CAAP1: variants seen among roughly 807,000 people sequenced by gnomAD.
CAAP1 encodes conserved anti-apoptotic protein.
In CAAP1, 20 loss-of-function variants were observed where a neutral mutation model predicts 34.0. The observed-to-expected ratio is 0.59, with a 90% CI of 0.41 to 0.86. CAAP1 has a LOEUF of 0.86. Ranked by LOEUF, CAAP1 falls within the 40% of genes least tolerant of loss-of-function variation. CAAP1 has a pLI of 0.00. For synonymous variants in CAAP1, 213 were observed against 166.7 expected, an observed-to-expected ratio of 1.28 and a Z score of -2.14; for missense variants, 538 against 450.5, an observed-to-expected ratio of 1.19 and a Z score of -1.76.
At chr9:26,890,035 A>AT (rs939698675) in intron 1 of CAAP1, among the ~76,000 whole-genome samples, 14 of 152,092 alleles carry the variant, frequency 9.2e-5, no homozygotes, top group African/African-American at 3.4e-4. Flanking sequence ...AATGTTTTCA[A>AT]TATTCAATTG....
intron 2 of CAAP1, among the ~76,000 whole-genome samples, chr9:26,886,392 A>T (rs1200837035): frequency 6.6e-6 from 1 of 152,210 alleles, no homozygotes; most frequent in Non-Finnish European, 1.5e-5. Context: ...TTTGAAGGGA[A>T]TGCATAAACT....
rs139183365 is a variant in CAAP1, at chr9:26,885,261, G to C, written c.590-376C>G. Among the ~76,000 whole-genome samples, 1,282 of 151,834 alleles carry C rather than the reference G, an allele frequency of 8.4e-3. 14 individuals carry two copies. The highest frequency in any genetic ancestry group is 0.029 in the African/African-American group (1,199 of 41,430). ...CCGGCTAATTTTTGTATTTTTAGTAGAGACGGGGTTTCACTATGTTGGCCA... is the reference window on the plus strand; with the variant it reads ...CCGGCTAATTTTTGTATTTTTAGTACAGACGGGGTTTCACTATGTTGGCCA... On this transcript the variant is annotated intron_variant, in intron 3 of 5. Coordinates refer to ENST00000333916, the MANE Select transcript of CAAP1 (RefSeq NM_024828.4).
At chr9:26,866,513 G>GTGTA in intron 4 of CAAP1, among the ~76,000 whole-genome samples, 1 of 152,306 alleles carries the variant, frequency 6.6e-6, no homozygotes, top group South Asian at 2.1e-4. Flanking sequence ...TTTGTATTAT[G>GTGTA]TGTATGTGTT....
At position 26,842,077 on chromosome 9, in the gene CAAP1, T is replaced by A. The variant is rs550710888; in HGVS notation, c.*224A>T. 5.0e-6 allele frequency: 2 copies of A among 403,646 alleles called. No homozygotes were observed. Among genetic ancestry groups the A allele is most frequent in the South Asian group, 1.3e-4 (2 of 15,906 alleles). 25.0% of individuals were successfully genotyped at this position (403,646 alleles called of 1,614,324 possible). On this transcript the variant is annotated 3_prime_UTR_variant, in exon 6 of 6. Transcript: ENST00000333916. ...CTCATCTAACAAAGTATCCAGGCTA[T>A]CCAACTATATTGCCATGAATTCATA...
At chr9:26,857,626 C>CA (rs201333918) in intron 5 of CAAP1, among the ~76,000 whole-genome samples, 263 of 151,934 alleles carry the variant, frequency 1.7e-3, no homozygotes, top group African/African-American at 5.9e-3. Context: ...AGCAAAAAAA[C>CA]AAAAACAAAA....
chr9:26,854,948 C>A (rs1822833032), intron 5 of CAAP1, among the ~76,000 whole-genome samples: 1 of 152,146 alleles, frequency 6.6e-6, no homozygotes, highest in Non-Finnish European at 1.5e-5. Context: ...AGTGGGAATG[C>A]AAAATGGTAC....
chr9:26,857,827 G>T (rs776359263), intron 5 of CAAP1, among the ~76,000 whole-genome samples: 2 of 152,058 alleles, frequency 1.3e-5, no homozygotes, highest in South Asian at 4.2e-4. Context: ...CAGTACTGCC[G>T]GTTTCAAAAA....
intron 4 of CAAP1, among the ~76,000 whole-genome samples, chr9:26,870,633 A>G (rs1823252361): frequency 6.7e-6 from 1 of 149,158 alleles, no homozygotes; most frequent in Non-Finnish European, 1.5e-5. Flanking sequence ...TTTTTTTCTG[A>G]GAAGGAGTCT....
At chr9:26,876,655 T>C (rs1465980052) in intron 4 of CAAP1, among the ~76,000 whole-genome samples, 1 of 152,110 alleles carries the variant, frequency 6.6e-6, no homozygotes, top group Non-Finnish European at 1.5e-5. Context: ...TACAATAACA[T>C]GCTGTACAGG....
intron 3 of CAAP1, among the ~76,000 whole-genome samples, chr9:26,885,545 TTTC>T (rs1823717985): frequency 6.6e-6 from 1 of 152,156 alleles, no homozygotes; most frequent in Non-Finnish European, 1.5e-5. Flanking sequence ...CCAATTTTTG[TTTC>T]TTCTTCTGTC....
At chr9:26,863,802 T>A (rs1399679829) in intron 4 of CAAP1, among the ~76,000 whole-genome samples, 1 of 151,744 alleles carries the variant, frequency 6.6e-6, no homozygotes, top group East Asian at 1.9e-4. Context: ...AAAGCCTGTT[T>A]TTCTTTTTTG....
chr9:26,859,274 T>G (rs1380550461), intron 5 of CAAP1, among the ~76,000 whole-genome samples: 1 of 152,200 alleles, frequency 6.6e-6, no homozygotes, highest in African/African-American at 2.4e-5. Flanking sequence ...ATGACTGGTT[T>G]TTCACATGAC....
chr9:26,857,005 A>G (rs1020337265), intron 5 of CAAP1, among the ~76,000 whole-genome samples: 7 of 152,260 alleles, frequency 4.6e-5, no homozygotes, highest in Non-Finnish European at 7.3e-5. Flanking sequence ...ATATTTTACT[A>G]TTGCTGAATG....
At position 26,842,247 on chromosome 9, in the gene CAAP1, T is replaced by C; in HGVS notation, c.*54A>G. 4 of 1,373,940 alleles carry C rather than the reference T, an allele frequency of 2.9e-6. No homozygotes were observed. The highest frequency in any genetic ancestry group is 3.9e-6 in the Non-Finnish European group (4 of 1,013,198). The allele number at this position is 1,373,940 out of a possible 1,614,324, so 85.1% of individuals were successfully genotyped here. On this transcript the variant is annotated 3_prime_UTR_variant, in exon 6 of 6. Transcript: ENST00000333916. ...CCCAAATAAATTTTAGATACAAAAT[T>C]AAATGATGTGGCTTTGTTCAAACAT... is the stretch of plus-strand genomic sequence containing the variant.
rs543011416 is a variant in CAAP1 at position 26,890,876 on chromosome 9, C to T, written c.303+1537G>A. Among the ~76,000 whole-genome samples, 385 of 152,108 alleles carry T rather than the reference C, an allele frequency of 2.5e-3. 2 individuals carry two copies. Among genetic ancestry groups the T allele is most frequent in the African/African-American group, 9.0e-3 (373 of 41,510 alleles). ...AGGGGAATGGCCTGAACCCGGGAGG[C>T]GGAGCTTGCAGTGAGCCGGGATCAC... On this transcript the variant is annotated intron_variant, in intron 1 of 5. Coordinates refer to ENST00000333916, the MANE Select transcript of CAAP1 (RefSeq NM_024828.4).
chr9:26,888,146 A>G (rs1159533328), intron 1 of CAAP1, among the ~76,000 whole-genome samples: 2 of 152,198 alleles, frequency 1.3e-5, no homozygotes, highest in African/African-American at 4.8e-5. Flanking sequence ...GACTCCCTGC[A>G]TCTAATCTGA....
intron 5 of CAAP1, among the ~76,000 whole-genome samples, chr9:26,851,145 T>C (rs1285772530): frequency 6.6e-6 from 1 of 152,238 alleles, no homozygotes; most frequent in East Asian, 1.9e-4. Flanking sequence ...ACACAGGTTT[T>C]GCCTTCACAG....
chr9:26,892,300 T>G (rs1279345229), intron 1 of CAAP1, 113 bp downstream of exon 1: 2 of 1,539,808 alleles, frequency 1.3e-6, no homozygotes, highest in Admixed American at 1.9e-5. Flanking sequence ...ACGGACGACC[T>G]TGAGATTGCC....
intron 1 of CAAP1, among the ~76,000 whole-genome samples, chr9:26,891,282 A>G (rs1479115762): frequency 6.6e-6 from 1 of 151,518 alleles, no homozygotes; most frequent in African/African-American, 2.5e-5. Flanking sequence ...CTAATAAGGA[A>G]AATAAAAATT....
Sources: allele counts gnomAD v4.1 joint callset (sites outside exome capture counted in the v4.1 genomes callset), GRCh38; gene constraint gnomAD v4.1.1; transcripts MANE v1.5; gene names NCBI Gene and HGNC (gene_info 2026-07-23, HGNC 2026-07-21).